Variants in CYSTM1 observed in about 807,000 individuals in gnomAD.
CYSTM1 encodes the protein cysteine rich transmembrane module containing 1.
Under a neutral mutation model 13.1 loss-of-function variants are expected in CYSTM1, and 4 were observed. That is an observed-to-expected ratio of 0.31 (90% CI 0.15 to 0.70). The LOEUF (loss-of-function observed/expected upper bound fraction) is 0.70, where lower values mean the gene tolerates loss of function less well. Among genes scored for constraint, CYSTM1 ranks in the 30% least tolerant of loss-of-function variants. CYSTM1 has a pLI of 0.72. For missense variants in CYSTM1, 96 were observed against 121.6 expected, an observed-to-expected ratio of 0.79 and a Z score of 0.99; for synonymous variants, 36 against 42.7, an observed-to-expected ratio of 0.84 and a Z score of 0.62.
intron 2 of CYSTM1, among the ~76,000 whole-genome samples, chr5:140,199,892 CAT>C (rs1299938480): frequency 6.6e-6 from 1 of 152,158 alleles, no homozygotes; most frequent in Non-Finnish European, 1.5e-5. Flanking sequence ...AACTTTTTTT[CAT>C]ATGTTTTTGG....
intron 2 of CYSTM1, among the ~76,000 whole-genome samples, chr5:140,238,762 T>G (rs78154407): frequency 0.011 from 1,748 of 152,284 alleles, 47 homozygotes; most frequent in African/African-American, 0.04. Context: ...ATCTGAGCAG[T>G]AAAGGGCTAT....
chr5:140,179,859 C>T (rs1763942722), intron 1 of CYSTM1, among the ~76,000 whole-genome samples: 1 of 152,030 alleles, frequency 6.6e-6, no homozygotes, highest in Non-Finnish European at 1.5e-5. Flanking sequence ...GACGGGGTTT[C>T]ACCACGTTGG....
chr5:140,234,068 T>C (rs1764649904), intron 2 of CYSTM1, among the ~76,000 whole-genome samples: 1 of 152,238 alleles, frequency 6.6e-6, no homozygotes, highest in Non-Finnish European at 1.5e-5. Context: ...TTTCCATGTT[T>C]TCTTTAAAAT....
intron 2 of CYSTM1, chr5:140,203,107 G>T (rs1410231105): frequency 6.6e-6 from 1 of 152,080 alleles, no homozygotes; most frequent in Non-Finnish European, 1.5e-5. Context: ...GAGTAGGTGG[G>T]TTTTTTCCAT....
intron 1 of CYSTM1, among the ~76,000 whole-genome samples, chr5:140,178,827 C>T (rs56997077): frequency 0.19 from 29,415 of 151,864 alleles, 3,033 homozygotes; most frequent in South Asian, 0.24. Context: ...CCCTCAAACT[C>T]CTAGGCTCAA....
intron 1 of CYSTM1, among the ~76,000 whole-genome samples, chr5:140,187,635 C>T (rs908949120): frequency 1.3e-5 from 2 of 152,126 alleles, no homozygotes; most frequent in East Asian, 1.9e-4. Context: ...CCCAAAGGGC[C>T]GGGATTACAG....
At chr5:140,209,616 G>T (rs1764339373) in intron 2 of CYSTM1, among the ~76,000 whole-genome samples, 1 of 142,064 alleles carries the variant, frequency 7.0e-6, no homozygotes, top group South Asian at 2.8e-4. Context: ...TTTTAGTAAA[G>T]GCGGGGTTTC....
chr5:140,206,333 G>A, intron 2 of CYSTM1, among the ~76,000 whole-genome samples: 1 of 145,442 alleles, frequency 6.9e-6, no homozygotes. Context: ...CTTGTTCATT[G>A]GCTGCCTTTC....
chr5:140,221,341 G>A (rs1764486503), intron 2 of CYSTM1, among the ~76,000 whole-genome samples: 1 of 152,088 alleles, frequency 6.6e-6, no homozygotes, highest in East Asian at 1.9e-4. Context: ...TTCCCAAACT[G>A]AAACTGTGTC....
intron 2 of CYSTM1, among the ~76,000 whole-genome samples, chr5:140,217,310 TCTC>T (rs1764440173): frequency 6.6e-6 from 1 of 152,210 alleles, no homozygotes; most frequent in African/African-American, 2.4e-5. Flanking sequence ...AATATTTCTC[TCTC>T]CTCCTCCTGA....
chr5:140,179,922 C>G (rs909130969), intron 1 of CYSTM1, among the ~76,000 whole-genome samples: 3 of 152,162 alleles, frequency 2.0e-5, no homozygotes, highest in Admixed American at 6.5e-5. Context: ...CTCAGCCTCC[C>G]AAAGTGCTGG....
intron 1 of CYSTM1, among the ~76,000 whole-genome samples, chr5:140,184,625 A>ATC (rs1763995314): frequency 6.6e-6 from 1 of 152,218 alleles, no homozygotes; most frequent in Non-Finnish European, 1.5e-5. Flanking sequence ...GGCTAAGGAT[A>ATC]GGTCATTTTA....
chr5:140,178,731 G>C (rs571120132), intron 1 of CYSTM1, among the ~76,000 whole-genome samples: 43 of 152,058 alleles, frequency 2.8e-4, no homozygotes, highest in Non-Finnish European at 5.0e-4. Context: ...CTCCTGAGTA[G>C]CTGGGACTAC....
chr5:140,223,342 A>G (rs1039240131), intron 2 of CYSTM1, among the ~76,000 whole-genome samples: 1 of 152,226 alleles, frequency 6.6e-6, no homozygotes, highest in African/African-American at 2.4e-5. Flanking sequence ...AGGATCAAAC[A>G]ATATTTTGTT....
chr5:140,224,389 T>G (rs1170026440), intron 2 of CYSTM1, among the ~76,000 whole-genome samples: 2 of 152,186 alleles, frequency 1.3e-5, no homozygotes, highest in Non-Finnish European at 2.9e-5. Context: ...TCCGCCCGCC[T>G]CGGCCTCCCA....
At chr5:140,190,051 G>A (rs1413912679) in intron 1 of CYSTM1, among the ~76,000 whole-genome samples, 4 of 152,082 alleles carry the variant, frequency 2.6e-5, no homozygotes, top group Admixed American at 1.3e-4. Flanking sequence ...TGTGAATTAC[G>A]TGGTGCCTGT....
intron 2 of CYSTM1, among the ~76,000 whole-genome samples, chr5:140,199,414 C>T (rs1764199625): frequency 6.6e-6 from 1 of 152,182 alleles, no homozygotes; most frequent in African/African-American, 2.4e-5. Context: ...CTAATTTACG[C>T]TCCCACCAGC....
chr5:140,212,983 G>GTGTATATATATAATATATA (rs1405430820), intron 2 of CYSTM1, among the ~76,000 whole-genome samples: 3 of 114,294 alleles, frequency 2.6e-5, no homozygotes, highest in Non-Finnish European at 5.5e-5. Flanking sequence ...CAAAACAAAA[G>GTGTATATATATAATATATA]TATATATATA....
chr5:140,218,083 C>T lies in CYSTM1; in HGVS notation c.187+23431C>T, dbSNP rs536880459. Among the ~76,000 whole-genome samples the T allele has an allele frequency of 7.2e-5, 11 of 152,112 alleles. No individual in the cohort carries two copies. In the South Asian group the frequency reaches 1.9e-3, roughly 26 times the overall value. On this transcript the variant is annotated intron_variant, in intron 2 of 2. Transcript: ENST00000261811. ...TTGGTGATAGCCCGCTCCAGCTAGC[C>T]GATATGGTCGGTGTGGTAATAAGGA...
Sources: allele counts gnomAD v4.1 joint callset (sites outside exome capture counted in the v4.1 genomes callset), GRCh38; gene constraint gnomAD v4.1.1; transcripts MANE v1.5; gene names NCBI Gene and HGNC (gene_info 2026-07-23, HGNC 2026-07-21).